The following NUP133 variants were observed in gnomAD, a reference collection of about 807,000 sequenced individuals.
NUP133 encodes the protein nuclear pore complex protein Nup133.
A neutral mutation model predicts 146.2 loss-of-function variants in NUP133; 66 were observed. The ratio of observed to expected loss-of-function variants is 0.45; its 90% confidence interval spans 0.37 to 0.55. The LOEUF (loss-of-function observed/expected upper bound fraction) is 0.55, where lower values mean the gene tolerates loss of function less well. Among genes scored for constraint, NUP133 ranks in the 20% least tolerant of loss-of-function variants. The pLI, the probability that NUP133 is intolerant of heterozygous loss-of-function variation, is 0.00. For missense variants in NUP133, 1,277 were observed against 1,374.8 expected (o/e 0.93, Z 1.12); for synonymous variants, 521 against 498.8 (o/e 1.04, Z -0.59).
chr1:229,496,130 A>T, intron 6 of NUP133, 83 bp from the exon 7 acceptor site: 1 of 1,049,334 alleles, frequency 9.5e-7, no homozygotes, highest in Non-Finnish European at 1.3e-6. Context: ...CAAATTTCAC[A>T]TATGTGATTA....
At position 229,508,092 on chromosome 1, in the gene NUP133, C is replaced by T. The variant is rs1571946994; in HGVS notation, c.158G>A (p.Gly53Asp). 5 of 1,505,126 alleles carry T rather than the reference C, an allele frequency of 3.3e-6. No homozygotes were observed. The Admixed American group carries it at 9.2e-5, about 28-fold the overall frequency. 93.2% of individuals were successfully genotyped at this position (1,505,126 alleles called of 1,614,324 possible). A position where few individuals can be genotyped will look rare whatever the true frequency, so the allele number is the denominator to read the frequency against. Residue 53 changes from glycine to aspartate, a missense_variant, in exon 1 of 26, where the codon GGC becomes GAC. This residue lies in a region of NUP133 where 319 missense variants were observed against 306.9 expected (regional missense o/e 1.04). Coordinates refer to ENST00000261396, the MANE Select transcript of NUP133 (RefSeq NM_018230.3). ...VSSPVLFSPV[G>D]RRSSLSSRGT... is the part of the protein sequence containing the mutation. The stretch of plus-strand genomic sequence containing the variant: ...CCGCGAGCTTAGCGAGCTACGCCGG[C>T]CGACCGGCGAGAAGAGCACTGGGGA...
chr1:229,476,264 T>C (rs1464653333), intron 13 of NUP133, among the ~76,000 whole-genome samples: 1 of 152,158 alleles, frequency 6.6e-6, no homozygotes, highest in Admixed American at 6.5e-5. Context: ...AAATGCAAAA[T>C]ACGTTTTTAG....
At chr1:229,475,179 T>C (rs1314257616) in intron 14 of NUP133, among the ~76,000 whole-genome samples, 2 of 152,180 alleles carry the variant, frequency 1.3e-5, no homozygotes, top group African/African-American at 4.8e-5. Context: ...CTACGTAATA[T>C]GTCTGCAAGC....
intron 24 of NUP133, chr1:229,448,756 AG>A (rs1660371050): frequency 4.4e-6 from 1 of 226,788 alleles, no homozygotes; most frequent in African/African-American, 2.3e-5. Context: ...ATAAATTGGT[AG>A]GTGTGTTTTC....
intron 20 of NUP133, among the ~76,000 whole-genome samples, chr1:229,459,971 C>T (rs930233703): frequency 6.6e-6 from 1 of 152,142 alleles, no homozygotes; most frequent in African/African-American, 2.4e-5. Flanking sequence ...TAACTTACAT[C>T]CCCACCAAGA....
Position 229,470,820 on chromosome 1 carries a change from A to G in NUP133, c.1852-16T>C. On this transcript the variant is annotated splice_polypyrimidine_tract_variant and intron_variant, in intron 14 of 25. Coordinates refer to ENST00000261396, the MANE Select transcript of NUP133 (RefSeq NM_018230.3). Reference sequence around the variant, plus strand: ...ATAAGCCAACCTTGCAAAAAGGCAAACACATATTCTCAGAAAGCAATTATG... The same window carrying G: ...ATAAGCCAACCTTGCAAAAAGGCAAGCACATATTCTCAGAAAGCAATTATG... 6.2e-7 allele frequency: 1 copy of G among 1,607,916 alleles called. No homozygotes were observed. The highest frequency in any genetic ancestry group is 8.5e-7 in the Non-Finnish European group (1 of 1,175,316).
At chr1:229,462,563 A>C (rs1283265787) in intron 19 of NUP133, among the ~76,000 whole-genome samples, 1 of 151,504 alleles carries the variant, frequency 6.6e-6, no homozygotes, top group Non-Finnish European at 1.5e-5. Flanking sequence ...TCACAATGGA[A>C]ATTTTTTTTT....
At chr1:229,496,717 C>T (rs1392896459) in intron 6 of NUP133, among the ~76,000 whole-genome samples, 2 of 152,118 alleles carry the variant, frequency 1.3e-5, no homozygotes, top group Non-Finnish European at 2.9e-5. Flanking sequence ...CGTGGTGGCT[C>T]GTGCTTGTAA....
intron 24 of NUP133, among the ~76,000 whole-genome samples, chr1:229,445,212 G>A (rs997063655): frequency 2.6e-5 from 4 of 151,986 alleles, no homozygotes; most frequent in Non-Finnish European, 4.4e-5. Context: ...TACACTCTAG[G>A]GAACATGCAA....
chr1:229,472,707 C>CATACATATATATATAT (rs58951309), intron 14 of NUP133, among the ~76,000 whole-genome samples: 3 of 124,270 alleles, frequency 2.4e-5, no homozygotes, highest in African/African-American at 9.4e-5. Flanking sequence ...ACTAAATATA[C>CATACATATATATATAT]ATATATATAT....
chr1:229,505,784 A>T (rs1661919561), intron 2 of NUP133, among the ~76,000 whole-genome samples: 1 of 152,082 alleles, frequency 6.6e-6, no homozygotes, highest in South Asian at 2.1e-4. Flanking sequence ...GCTACTTGGG[A>T]GGCTGAGGCA....
intron 24 of NUP133, among the ~76,000 whole-genome samples, chr1:229,448,494 G>C (rs976771391): frequency 8.5e-5 from 13 of 152,120 alleles, no homozygotes; most frequent in African/African-American, 3.1e-4. Flanking sequence ...AACGTCTCAT[G>C]CCTTTCCAGA....
At chr1:229,505,564 T>TAA (rs56383157) in intron 2 of NUP133, among the ~76,000 whole-genome samples, 7,144 of 63,104 alleles carry the variant, frequency 0.11, 829 homozygotes, top group Non-Finnish European at 0.15. Flanking sequence ...CAATTACAGT[T>TAA]AAAAAAAAAA....
At chr1:229,492,288 G>A (rs975334790) in intron 8 of NUP133, among the ~76,000 whole-genome samples, 4 of 151,932 alleles carry the variant, frequency 2.6e-5, no homozygotes, top group African/African-American at 9.7e-5. Context: ...TGTATTTTTA[G>A]TAGAGATGGG....
intron 12 of NUP133, among the ~76,000 whole-genome samples, chr1:229,480,083 T>C (rs1234547197): frequency 1.3e-5 from 2 of 152,148 alleles, no homozygotes; most frequent in East Asian, 1.9e-4. Context: ...CAGTCTCTGA[T>C]AGGAAGAAGA....
In NUP133 at chr1:229,446,186, C is replaced by T. The variant is rs147964415; in HGVS notation, c.3246-1184G>A. 9.1e-3 allele frequency among the ~76,000 whole-genome samples: 1,380 copies of T among 152,248 alleles called. 20 individuals carry two copies. Among genetic ancestry groups the T allele is most frequent in the African/African-American group, 0.031 (1,304 of 41,546 alleles). ...CTTTGGGAGGCCGAGGCAGACAGAT[C>T]ACCTGAGGTTGGGAGTTTGAGACCA... is the stretch of plus-strand genomic sequence containing the variant. On this transcript the variant is annotated intron_variant, in intron 24 of 25. Coordinates refer to ENST00000261396, the MANE Select transcript of NUP133 (RefSeq NM_018230.3).
rs74420358 is a variant in NUP133 at position 229,495,577 on chromosome 1, T to C, written c.976-12A>G. ...TTACTTTCAGATCCCTACATGAAAA[T>C]ATCAATAATGTAAGCTTCTCAAGTG... On this transcript the variant is annotated splice_polypyrimidine_tract_variant and intron_variant, in intron 7 of 25. Coordinates refer to ENST00000261396, the MANE Select transcript of NUP133 (RefSeq NM_018230.3). The C allele has an allele frequency of 6.3e-3, 9,862 of 1,567,852 alleles. 429 individuals carry two copies. The African/African-American group carries it at 0.1, about 17-fold the overall frequency.
intron 8 of NUP133, among the ~76,000 whole-genome samples, chr1:229,493,419 ATCC>A (rs1661571254): frequency 6.6e-6 from 1 of 152,128 alleles, no homozygotes; most frequent in Non-Finnish European, 1.5e-5. Context: ...GCTTCAAGCA[ATCC>A]TCCTGTCTTG....
intron 21 of NUP133, among the ~76,000 whole-genome samples, chr1:229,456,223 T>C (rs1228748813): frequency 6.6e-6 from 1 of 152,202 alleles, no homozygotes; most frequent in African/African-American, 2.4e-5. Context: ...ATTAGATTTG[T>C]CTACTGATAC....
Sources: allele counts gnomAD v4.1 joint callset (sites outside exome capture counted in the v4.1 genomes callset), GRCh38; gene constraint gnomAD v4.1.1; regional missense constraint gnomAD v4.1.1; transcripts MANE v1.5; gene names NCBI Gene and HGNC (gene_info 2026-07-23, HGNC 2026-07-21).